The following MIPEP variants were observed in gnomAD, a reference collection of about 807,000 sequenced individuals.
The protein encoded by MIPEP is mitochondrial intermediate peptidase.
Under a neutral mutation model 90.3 loss-of-function variants are expected in MIPEP, and 79 were observed. The observed-to-expected ratio is 0.87, with a 90% CI of 0.73 to 1.05. MIPEP has a LOEUF of 1.05. MIPEP is among the 50% of genes least tolerant of loss of function. MIPEP has a pLI of 0.00. For missense variants in MIPEP, 940 were observed against 905.6 expected (o/e 1.04, Z -0.49); for synonymous variants, 334 against 315.8 (o/e 1.06, Z -0.61).
chr13:23,779,377 T>C (rs1952752335), intron 16 of MIPEP, among the ~76,000 whole-genome samples: 1 of 152,096 alleles, frequency 6.6e-6, no homozygotes, highest in South Asian at 2.1e-4. Flanking sequence ...TCCTTATGTA[T>C]CAGTGATAAT....
At chr13:23,883,005 A>C (rs146604757) in intron 2 of MIPEP, among the ~76,000 whole-genome samples, 276 of 152,310 alleles carry the variant, frequency 1.8e-3, no homozygotes, top group Middle Eastern at 3.5e-3. Context: ...AAAAGAAAAC[A>C]AAATAAAATG....
chr13:23,828,510 G>A (rs1868579891), intron 14 of MIPEP, among the ~76,000 whole-genome samples: 1 of 152,124 alleles, frequency 6.6e-6, no homozygotes, highest in African/African-American at 2.4e-5. Context: ...TACAAAAATG[G>A]ACAAACAGCA....
intron 14 of MIPEP, among the ~76,000 whole-genome samples, chr13:23,823,590 G>C (rs1481282684): frequency 6.6e-6 from 1 of 152,176 alleles, no homozygotes; most frequent in Admixed American, 6.5e-5. Flanking sequence ...GCATTTTGGA[G>C]GGCCAAAGCT....
intron 16 of MIPEP, among the ~76,000 whole-genome samples, chr13:23,791,583 C>A (rs569224471): frequency 1.0e-3 from 154 of 152,326 alleles, no homozygotes; most frequent in African/African-American, 3.6e-3. Flanking sequence ...CCCCTCCACC[C>A]GTACAAAAAT....
Position 23,837,719 on chromosome 13 carries a change from T to C in MIPEP, c.1376A>G (p.Glu459Gly), listed in dbSNP as rs1263188379. The C allele has an allele frequency of 1.9e-6, 3 of 1,614,072 alleles. No homozygotes were observed. Among genetic ancestry groups the C allele is most frequent in the Non-Finnish European group, 1.7e-6 (2 of 1,179,886 alleles). The change falls in exon 13 of 19, where the codon GAA (glutamate) becomes GGA (glycine). Residue 459 changes from glutamate (E) to glycine (G), a missense_variant. Transcript: ENST00000382172. Reference sequence around the variant, plus strand: ...AACTGGGAGTTGATAGTCTCCATCTTCCTTTAGTCTGCCTCCACGGATAGT... The same window carrying C: ...AACTGGGAGTTGATAGTCTCCATCTCCCTTTAGTCTGCCTCCACGGATAGT... ...HFTIRGGRLK[E>G]DGDYQLPVVV...
intron 16 of MIPEP, among the ~76,000 whole-genome samples, chr13:23,782,080 G>C (rs1296426994): frequency 1.3e-5 from 2 of 152,132 alleles, no homozygotes; most frequent in African/African-American, 4.8e-5. Flanking sequence ...TCCAGGAATT[G>C]AACACAGCTC....
intron 18 of MIPEP, among the ~76,000 whole-genome samples, chr13:23,745,344 TAAAC>T (rs765689935): frequency 6.6e-6 from 1 of 152,264 alleles, no homozygotes; most frequent in African/African-American, 2.4e-5. Flanking sequence ...GAAAAAGACA[TAAAC>T]AAACACCAGA....
intron 5 of MIPEP, among the ~76,000 whole-genome samples, chr13:23,872,259 C>T (rs562455555): frequency 5.3e-5 from 8 of 152,240 alleles, no homozygotes; most frequent in Non-Finnish European, 1.2e-4. Flanking sequence ...GTCGGGAGTT[C>T]GAGACCAGCC....
intron 10 of MIPEP, among the ~76,000 whole-genome samples, chr13:23,857,118 G>C (rs1870076573): frequency 6.6e-6 from 1 of 151,886 alleles, no homozygotes; most frequent in Non-Finnish European, 1.5e-5. Flanking sequence ...ATCTTTAACA[G>C]GTGAAACAAC....
rs190595103 is a variant in MIPEP, at chr13:23,818,381, G to A, written c.1654-8457C>T. ...GTAGAGGATGCAGTGTGACAAGATC[G>A]CACCACTGCACTCCAGCCTGGGTGA... On this transcript the variant is annotated intron_variant, in intron 14 of 18. Coordinates refer to ENST00000382172, the MANE Select transcript of MIPEP (RefSeq NM_005932.4). 1.1e-4 allele frequency among the ~76,000 whole-genome samples: 16 copies of A among 152,222 alleles called. 1 individual carries two copies. The East Asian group carries it at 2.9e-3, about 28-fold the overall frequency.
intron 10 of MIPEP, among the ~76,000 whole-genome samples, chr13:23,855,299 T>C (rs1230681725): frequency 1.3e-5 from 2 of 152,202 alleles, no homozygotes; most frequent in Admixed American, 6.5e-5. Flanking sequence ...TACTACGGTA[T>C]TTTCCAGGAT....
At chr13:23,837,847 ATG>A (rs1411325835) in intron 12 of MIPEP, 91 bp from the exon 13 acceptor site, 4 of 929,930 alleles carry the variant, frequency 4.3e-6, no homozygotes, top group Middle Eastern at 2.6e-4. Context: ...TTCACCAAAA[ATG>A]TGTGAGTGCA....
chr13:23,777,590 T>C (rs943270043), intron 16 of MIPEP, among the ~76,000 whole-genome samples: 4 of 152,194 alleles, frequency 2.6e-5, no homozygotes, highest in African/African-American at 9.7e-5. Context: ...AAAGGTACTT[T>C]GCAACTTACG....
intron 3 of MIPEP, among the ~76,000 whole-genome samples, chr13:23,879,890 T>C (rs147129277): frequency 7.4e-4 from 113 of 152,228 alleles, no homozygotes; most frequent in African/African-American, 2.6e-3. Context: ...CCATGGCCAC[T>C]GTTGAGCAGT....
intron 16 of MIPEP, among the ~76,000 whole-genome samples, chr13:23,792,734 C>T (rs1263592899): frequency 6.6e-6 from 1 of 152,236 alleles, no homozygotes; most frequent in Admixed American, 6.5e-5. Context: ...CAACTCACTT[C>T]TTTCTCTTAC....
At chr13:23,751,960 A>G (rs1467022662) in intron 18 of MIPEP, among the ~76,000 whole-genome samples, 1 of 152,046 alleles carries the variant, frequency 6.6e-6, no homozygotes, top group Non-Finnish European at 1.5e-5. Context: ...TAAGAGAACC[A>G]TCAGGGCCCA....
intron 2 of MIPEP, among the ~76,000 whole-genome samples, chr13:23,885,531 G>A (rs1461955380): frequency 6.6e-6 from 1 of 151,948 alleles, no homozygotes; most frequent in Non-Finnish European, 1.5e-5. Context: ...TGCATTGCAT[G>A]CCTCTATCAA....
chr13:23,747,507 G>A, intron 18 of MIPEP: 1 of 500,142 alleles, frequency 2.0e-6, no homozygotes, highest in Admixed American at 2.0e-5. Flanking sequence ...AGAACAAAAA[G>A]TGTCTAAAAC....
chr13:23,798,678 G>A (rs574139153), intron 16 of MIPEP, among the ~76,000 whole-genome samples: 1 of 152,256 alleles, frequency 6.6e-6, no homozygotes, highest in African/African-American at 2.4e-5. Context: ...TGACACAATA[G>A]TGATTTCTTG....
Sources: gnomAD v4.1 joint callset for allele counts (sites outside exome capture counted in the v4.1 genomes callset) on GRCh38, gnomAD v4.1.1 for gene constraint, MANE v1.5 for transcripts, NCBI Gene and HGNC (gene_info 2026-07-23, HGNC 2026-07-21) for gene names.